The following ANAPC2 variants were observed in gnomAD, a reference collection of about 807,000 sequenced individuals.
The protein encoded by ANAPC2 is anaphase-promoting complex subunit 2.
Under a neutral mutation model 84.3 loss-of-function variants are expected in ANAPC2, and 29 were observed. The ratio of observed to expected loss-of-function variants is 0.34; its 90% CI spans 0.26 to 0.47. ANAPC2 has a LOEUF of 0.47. ANAPC2 is among the 20% of genes least tolerant of loss of function. ANAPC2 has a pLI of 1.00. For missense variants in ANAPC2, 857 were observed against 1,131.7 expected (o/e 0.76, Z 3.48); for synonymous variants, 571 against 479.4 (o/e 1.19, Z -2.50).
At chr9:137,188,394 C>CTT in intron 1 of ANAPC2, 22 bp downstream of exon 1, 1 of 1,598,480 alleles carries the variant, frequency 6.3e-7, no homozygotes, top group Non-Finnish European at 8.5e-7. Flanking sequence ...CGCGGGGCCG[C>CTT]CCCTCTCTTC....
At chr9:137,176,759 T>G (rs542801237) in intron 10 of ANAPC2, 1 of 152,360 alleles carries the variant, frequency 6.6e-6, no homozygotes, top group South Asian at 2.1e-4. Flanking sequence ...GCAGAGAGCT[T>G]GGCTGGCTGC....
At chr9:137,181,563 T>G in intron 7 of ANAPC2, 118 bp downstream of exon 7, 2 of 1,179,958 alleles carry the variant, frequency 1.7e-6, no homozygotes, top group Non-Finnish European at 2.3e-6. Context: ...CTCAAGCCTC[T>G]GAGACACTAG....
chr9:137,181,861 T>A lies in ANAPC2; in HGVS notation c.1288A>T (p.Thr430Ser), dbSNP rs780677757. The A allele has an allele frequency of 8.7e-6, 14 of 1,602,020 alleles. No homozygotes were observed. The highest frequency in any genetic ancestry group is 1.7e-4 in the Middle Eastern group (1 of 6,010). The change falls in exon 7 of 13, where the codon ACG (threonine) becomes TCG (serine). Residue 430 changes from threonine to serine, a missense_variant and splice_region_variant. Physicochemically the swap from Thr to Ser is moderately conservative, Grantham distance 58 (BLOSUM62 1). This residue lies in a region of ANAPC2 where 425 missense variants were observed against 595.5 expected (regional missense o/e 0.71). Transcript: ENST00000323927. ...ATCTGCCGCACTGTGTCCTCCCGCG[T>A]CCTGCCGATGTGAGTGCTGCTGTGG... is the stretch of plus-strand genomic sequence containing the variant. Reference protein sequence around the residue: ...ACEPIRRYLRTREDTVRQIVA... With the variant: ...ACEPIRRYLRSREDTVRQIVA...
At chr9:137,184,792 A>T in intron 4 of ANAPC2, 121 bp downstream of exon 4, 1 of 1,292,792 alleles carries the variant, frequency 7.7e-7, no homozygotes, top group Non-Finnish European at 1.1e-6. Flanking sequence ...CCAGACGCAG[A>T]CACAGAGCAG....
Position 137,175,058 on chromosome 9 carries a change from G to T in ANAPC2, c.2353C>A (p.Pro785Thr). 6.2e-7 allele frequency: 1 copy of T among 1,606,620 alleles called. No individual in the cohort carries two copies. Among genetic ancestry groups the T allele is most frequent in the Non-Finnish European group, 8.5e-7 (1 of 1,177,368 alleles). The change falls in exon 13 of 13, where the codon CCT becomes ACT. Residue 785 changes from proline to threonine, a missense_variant. By Grantham distance (38) the Pro-to-Thr change is conservative. Transcript: ENST00000323927. The part of the protein sequence containing the change: ...NMLRMFVVTG[P>T]ALAEIDLQEL... ...TGCAGGTCAATCTCGGCCAGTGCAG[G>T]CCCAGTCACCACAAACATGCGGAGC...
rs192899809 is a variant in ANAPC2, at chr9:137,180,457, G to A, written c.1681C>T (p.Leu561=). The A allele has an allele frequency of 3.0e-5, 49 of 1,612,946 alleles. No individual in the cohort carries two copies. Among genetic ancestry groups the A allele is most frequent in the East Asian group, 4.5e-5 (2 of 44,878 alleles). ...EAPMHFCEVM[L]KDMADSRRIN... is the part of the protein sequence containing the mutation. ...CGGGCGGGGCTGGGACCCACCTTCA[G>A]CATGACTTCACAGAAGTGCATTGGG... The change falls in exon 9 of 13, where the codon CTG becomes TTG. Residue 561 remains leucine (L), a synonymous_variant. Transcript: ENST00000323927.
chr9:137,183,278 CCCGGGA>C (rs766288794), intron 5 of ANAPC2, 36 bp from the exon 6 acceptor site: 1 of 1,541,304 alleles, frequency 6.5e-7, no homozygotes. Context: ...TCATGCAGTG[CCCGGGA>C]CCACAGCCTC....
chr9:137,175,895 G>T, intron 10 of ANAPC2, 58 bp from the exon 11 acceptor site: 1 of 1,526,734 alleles, frequency 6.5e-7, no homozygotes. Flanking sequence ...AGGCCCGTGG[G>T]CTCTGCCACC....
chr9:137,180,948 G>T lies in ANAPC2; in HGVS notation c.1469-19C>A, dbSNP rs574030093. On this transcript the variant is annotated intron_variant, in intron 7 of 12. Coordinates refer to ENST00000323927, the MANE Select transcript of ANAPC2 (RefSeq NM_013366.4). ...GACTTCCCTGGCATGGTGGGGGCAG[G>T]GGTGTCACCTGACAGGCACCTGGGC... The T allele has an allele frequency of 1.1e-5, 18 of 1,610,356 alleles. No homozygotes were observed. The African/African-American group carries it at 1.5e-4, about 13-fold the overall frequency.
At position 137,180,808 on chromosome 9, in the gene ANAPC2, C is replaced by G; in HGVS notation, c.1590G>C (p.Gln530His). Residue 530 changes from glutamine to histidine, a missense_variant, in exon 8 of 13, where the codon CAG (glutamine) becomes CAC (histidine). Gln to His is a conservative substitution (Grantham distance 24). Around this residue, in one of 3 missense-constraint regions of ANAPC2, gnomAD observed 425 missense variants for 595.5 expected, o/e 0.71. Transcript: ENST00000323927. ...RSLLADRLLHQFSFSPEREIR... is the reference protein window; with the variant it reads ...RSLLADRLLHHFSFSPEREIR... ...CTCACCGCTCGGGGCTGAAGCTGAA[C>G]TGGTGCAGCAGGCGGTCGGCCAGCA... 3.7e-6 allele frequency: 6 copies of G among 1,612,218 alleles called. No homozygotes were observed. The highest frequency in any genetic ancestry group is 5.1e-6 in the Non-Finnish European group (6 of 1,179,872).
intron 10 of ANAPC2, 94 bp downstream of exon 10, chr9:137,180,087 A>C: frequency 7.2e-7 from 1 of 1,385,440 alleles, no homozygotes; most frequent in Non-Finnish European, 9.8e-7. Context: ...CACTCGGGTG[A>C]CAACGGGGCA....
intron 5 of ANAPC2, 186 bp downstream of exon 5, chr9:137,183,486 A>G: frequency 1.0e-6 from 1 of 964,136 alleles, no homozygotes; most frequent in South Asian, 1.7e-5. Flanking sequence ...CTCCCTCCAA[A>G]GAAGAAACAA....
In ANAPC2 at chr9:137,175,774, C is replaced by T. The variant is rs151085967; in HGVS notation, c.1954G>A (p.Asp652Asn). The change falls in exon 11 of 13, where the codon GAC becomes AAC. Residue 652 changes from aspartate (D) to asparagine (N), a missense_variant. Physicochemically the swap from Asp to Asn is conservative, Grantham distance 23 (BLOSUM62 1). Transcript: ENST00000323927. The stretch of plus-strand genomic sequence containing the variant: ...GTGACCGCCACAGACAGCGTGCGGT[C>T]GGCCAGCTCCACGTCCATGGTCACC... ...GLVTMDVELA[D>N]RTLSVAVTPV... is the part of the protein sequence containing the mutation. 36 of 1,611,156 alleles carry T rather than the reference C, an allele frequency of 2.2e-5. No individual in the cohort carries two copies. Among genetic ancestry groups the T allele is most frequent in the South Asian group, 7.7e-5 (7 of 90,662 alleles).
chr9:137,183,590 C>T, intron 5 of ANAPC2, 82 bp downstream of exon 5: 8 of 1,533,194 alleles, frequency 5.2e-6, no homozygotes, highest in Non-Finnish European at 7.0e-6. Flanking sequence ...GGCTGGCAGA[C>T]TAGGCCCCAG....
At position 137,181,720 on chromosome 9, in the gene ANAPC2, G is replaced by T; in HGVS notation, c.1429C>A (p.Pro477Thr). The change falls in exon 7 of 13, where the codon CCA (proline) becomes ACA (threonine). Residue 477 changes from proline to threonine, a missense_variant. By Grantham distance (38) the Pro-to-Thr change is conservative (BLOSUM62 -1). Coordinates refer to ENST00000323927, the MANE Select transcript of ANAPC2 (RefSeq NM_013366.4). ...GQDSEDDSGE[P>T]EDWVPDPVDA... ...ACAGGGTCCGGGACCCAGTCCTCTG[G>T]CTCGCCTGAGTCATCCTCACTGTCC... 6.2e-7 allele frequency: 1 copy of T among 1,611,512 alleles called. No homozygotes were observed.
chr9:137,188,507 T>C lies in ANAPC2; in HGVS notation c.26A>G (p.Glu9Gly), dbSNP rs202152762. 6.2e-7 allele frequency: 1 copy of C among 1,608,838 alleles called. No individual in the cohort carries two copies. The highest frequency in any genetic ancestry group is 1.3e-5 in the African/African-American group (1 of 74,796). The change falls in exon 1 of 13, where the codon GAG becomes GGG. Residue 9 changes from glutamate (E) to glycine (G), a missense_variant. Transcript: ENST00000323927. Reference sequence around the variant, plus strand: ...TCCGGGCCGGGAGTCGCTGTCCCCCTCCGCCACCACAACTGCCGCCGCCAT... The same window carrying C: ...TCCGGGCCGGGAGTCGCTGTCCCCCCCCGCCACCACAACTGCCGCCGCCAT... The part of the protein sequence containing the change: MAAAVVVA[E>G]GDSDSRPGQE...
chr9:137,179,819 G>T (rs1044847606), intron 10 of ANAPC2, among the ~76,000 whole-genome samples: 3 of 152,250 alleles, frequency 2.0e-5, no homozygotes, highest in African/African-American at 7.2e-5. Context: ...GGCACCCCAA[G>T]CCCCGGTTCT....
At chr9:137,188,312 G>T in intron 1 of ANAPC2, 104 bp downstream of exon 1, 6 of 1,360,238 alleles carry the variant, frequency 4.4e-6, no homozygotes, top group Non-Finnish European at 4.0e-6. Context: ...ACAGGACAGA[G>T]GCGGATGATG....
At chr9:137,183,992 G>A (rs1234212437) in intron 4 of ANAPC2, among the ~76,000 whole-genome samples, 1 of 152,210 alleles carries the variant, frequency 6.6e-6, no homozygotes, top group East Asian at 1.9e-4. Flanking sequence ...GGTGGACAGA[G>A]CAACACCCAG....
Sources: gnomAD v4.1 joint callset for allele counts (sites outside exome capture counted in the v4.1 genomes callset) on GRCh38, gnomAD v4.1.1 for gene constraint, gnomAD v4.1.1 regional missense constraint, MANE v1.5 for transcripts, NCBI Gene and HGNC (gene_info 2026-07-23, HGNC 2026-07-21) for gene names.